TYW1: variants seen among roughly 807,000 people sequenced by gnomAD.
TYW1 encodes the protein tRNA-yW synthesizing protein 1 homolog.
In TYW1, 46 loss-of-function variants were observed where a neutral mutation model predicts 96.2. The ratio of observed to expected loss-of-function variants is 0.48; its 90% CI spans 0.38 to 0.61. The LOEUF (loss-of-function observed/expected upper bound fraction) is 0.61, where lower values mean the gene tolerates loss of function less well. TYW1 is among the 20% of genes least tolerant of loss of function. The pLI is 0.00. For missense variants in TYW1, 684 were observed against 909.6 expected (o/e 0.75, Z 3.19); for synonymous variants, 274 against 323.0 (o/e 0.85, Z 1.63).
At position 67,113,136 on chromosome 7, in the gene TYW1, T is replaced by C. The variant is rs1420226098; in HGVS notation, c.1563-4347T>C. Among the ~76,000 whole-genome samples the C allele has an allele frequency of 2.6e-5, 4 of 151,980 alleles. No individual in the cohort carries two copies. In the South Asian group the frequency reaches 8.3e-4, roughly 32 times the overall value. On this transcript the variant is annotated intron_variant, in intron 12 of 15. Coordinates refer to ENST00000359626, the MANE Select transcript of TYW1 (RefSeq NM_018264.4). Reference sequence around the variant, plus strand: ...TCAGAGATCAGCTTTGACTTTGACCTTGTTACGTCTTTTGTATGATTTTGC... The same window carrying C: ...TCAGAGATCAGCTTTGACTTTGACCCTGTTACGTCTTTTGTATGATTTTGC...
intron 11 of TYW1, among the ~76,000 whole-genome samples, chr7:67,097,935 A>G (rs1796971027): frequency 6.6e-6 from 1 of 151,634 alleles, no homozygotes; most frequent in Non-Finnish European, 1.5e-5. Context: ...TCCTTGGCTC[A>G]AGCAATCCTC....
At chr7:67,198,124 G>A (rs1005535489) in intron 15 of TYW1, among the ~76,000 whole-genome samples, 2 of 151,998 alleles carry the variant, frequency 1.3e-5, no homozygotes, top group Non-Finnish European at 2.9e-5. Context: ...CTTCAAAATT[G>A]TAAACTGATA....
chr7:67,164,608 C>CAAAA (rs68160921), intron 13 of TYW1, among the ~76,000 whole-genome samples: 2 of 113,832 alleles, frequency 1.8e-5, no homozygotes, highest in Admixed American at 8.7e-5. Flanking sequence ...AAAACTGTCT[C>CAAAA]AAAAAAAAAA....
At chr7:67,121,770 G>T (rs1797767024) in intron 13 of TYW1, among the ~76,000 whole-genome samples, 1 of 150,706 alleles carries the variant, frequency 6.6e-6, no homozygotes, top group Non-Finnish European at 1.5e-5. Flanking sequence ...TTCTGATCTA[G>T]TACTACCCAA....
chr7:67,093,941 A>C (rs1479589561), intron 11 of TYW1, among the ~76,000 whole-genome samples: 1 of 152,152 alleles, frequency 6.6e-6, no homozygotes, highest in African/African-American at 2.4e-5. Context: ...CTTCTTGCAT[A>C]CCCATTACTC....
intron 14 of TYW1, among the ~76,000 whole-genome samples, chr7:67,185,554 A>C (rs924251985): frequency 4.6e-5 from 7 of 152,242 alleles, no homozygotes; most frequent in Admixed American, 1.3e-4. Flanking sequence ...GGCTTAAGCC[A>C]TTGCGTGGAT....
At chr7:67,073,793 A>G (rs527363563) in intron 10 of TYW1, among the ~76,000 whole-genome samples, 1,900 of 127,662 alleles carry the variant, frequency 0.015, 64 homozygotes, top group African/African-American at 0.054. Context: ...AAAAAAAAAA[A>G]GAAATATGGC....
At chr7:67,149,776 C>A (rs4718460) in intron 13 of TYW1, among the ~76,000 whole-genome samples, 2,944 of 55,538 alleles carry the variant, frequency 0.053, 68 homozygotes, top group Middle Eastern at 0.14. Context: ...CTATCTATCT[C>A]TCTATGTTAA....
chr7:67,002,843 CTTTTT>C (rs1793449352), intron 3 of TYW1, among the ~76,000 whole-genome samples: 1 of 117,800 alleles, frequency 8.5e-6, no homozygotes, highest in South Asian at 2.6e-4. Context: ...TTTTCTTTTT[CTTTTT>C]CTTTTTTCTT....
chr7:67,227,379 C>G (rs1461547929), intron 15 of TYW1, among the ~76,000 whole-genome samples: 1 of 152,184 alleles, frequency 6.6e-6, no homozygotes, highest in Non-Finnish European at 1.5e-5. Flanking sequence ...GCCTCAGCCT[C>G]CTACGTAGCT....
rs1290960567 is a variant in TYW1, at chr7:67,083,105, A to ATGGT, written c.1275-324_1275-321dup. On this transcript the variant is annotated intron_variant, in intron 10 of 15. Transcript: ENST00000359626. ...AAGTGTCGACGTAGATGACAGTAACATGGTGTTGACAGTTTGCCTTGTTTG... is the reference window on the plus strand; with the variant it reads ...AAGTGTCGACGTAGATGACAGTAACATGGTTGGTGTTGACAGTTTGCCTTGTTTG... Among the ~76,000 whole-genome samples, 4 of 152,142 alleles carry ATGGT rather than the reference A, an allele frequency of 2.6e-5. No homozygotes were observed. The South Asian group carries it at 8.3e-4, about 32-fold the overall frequency.
chr7:67,005,472 T>C (rs147791981), intron 3 of TYW1, among the ~76,000 whole-genome samples: 1 of 152,218 alleles, frequency 6.6e-6, no homozygotes, highest in Non-Finnish European at 1.5e-5. Context: ...GGCATGTGCC[T>C]GTAGTCCTAG....
chr7:67,080,347 C>A (rs1411824966), intron 10 of TYW1, among the ~76,000 whole-genome samples: 1 of 151,710 alleles, frequency 6.6e-6, no homozygotes, highest in Non-Finnish European at 1.5e-5. Context: ...TCTCATTTTA[C>A]AGTTTCTGAC....
chr7:67,039,068 C>G (rs1794932030), intron 7 of TYW1, among the ~76,000 whole-genome samples: 1 of 152,160 alleles, frequency 6.6e-6, no homozygotes, highest in South Asian at 2.1e-4. Flanking sequence ...AGCATTTCAG[C>G]TAAAGCTACT....
intron 11 of TYW1, among the ~76,000 whole-genome samples, chr7:67,089,001 G>A (rs1462333903): frequency 1.3e-5 from 2 of 152,330 alleles, no homozygotes; most frequent in East Asian, 1.9e-4. Flanking sequence ...CATTTCCTTC[G>A]TAGTTTGTGA....
chr7:67,230,721 C>T (rs1248178836), intron 15 of TYW1, among the ~76,000 whole-genome samples: 4 of 144,296 alleles, frequency 2.8e-5, no homozygotes, highest in South Asian at 2.3e-4. Context: ...GGCGCGATCT[C>T]GGCTCACTGC....
chr7:67,236,786 A>G (rs1801902960), intron 15 of TYW1, among the ~76,000 whole-genome samples: 1 of 152,106 alleles, frequency 6.6e-6, no homozygotes, highest in Non-Finnish European at 1.5e-5. Context: ...TAAATTCAGC[A>G]TATTTTAATA....
chr7:67,096,246 C>T (rs1276595860), intron 11 of TYW1, among the ~76,000 whole-genome samples: 12 of 151,968 alleles, frequency 7.9e-5, no homozygotes, highest in South Asian at 2.1e-4. Context: ...AAAAATTAGC[C>T]GGGCATGGTG....
At chr7:67,183,983 A>G (rs1261596910) in intron 14 of TYW1, among the ~76,000 whole-genome samples, 2 of 151,966 alleles carry the variant, frequency 1.3e-5, no homozygotes, top group Admixed American at 6.6e-5. Flanking sequence ...GCACGCCACT[A>G]TGCCTGGCTA....
Sources: allele counts gnomAD v4.1 joint callset (sites outside exome capture counted in the v4.1 genomes callset), GRCh38; gene constraint gnomAD v4.1.1; transcripts MANE v1.5; gene names NCBI Gene and HGNC (gene_info 2026-07-23, HGNC 2026-07-21).